DOCK4: variants seen among roughly 807,000 people sequenced by gnomAD.
DOCK4 encodes the protein dedicator of cytokinesis protein 4.
DOCK4 carries 97 observed loss-of-function variants against 268.1 expected under a neutral mutation model. That is an observed-to-expected ratio of 0.36 (90% CI 0.31 to 0.43). DOCK4 has a LOEUF of 0.43. Ranked by LOEUF, DOCK4 falls within the 20% of genes least tolerant of loss-of-function variation. The probability of loss-of-function intolerance (pLI) is 1.00; values close to 1 mark genes in which losing one functional copy is unlikely to be tolerated. For missense variants in DOCK4, 2,145 were observed against 2,455.7 expected (o/e 0.87, Z 2.67); for synonymous variants, 954 against 887.2 (o/e 1.08, Z -1.34).
intron 12 of DOCK4, among the ~76,000 whole-genome samples, chr7:111,920,799 AAG>A (rs1793054018): frequency 1.3e-5 from 2 of 152,132 alleles, no homozygotes; most frequent in Admixed American, 1.3e-4. Context: ...GAGAGACAGA[AAG>A]AGAGAGAATA....
At chr7:112,192,006 T>C (rs1280799274) in intron 1 of DOCK4, among the ~76,000 whole-genome samples, 1 of 148,380 alleles carries the variant, frequency 6.7e-6, no homozygotes, top group African/African-American at 2.4e-5. Context: ...ATATATTATA[T>C]AGTATATAAC....
At position 112,000,506 on chromosome 7, in the gene DOCK4, GT is replaced by G; in HGVS notation, c.149del (p.Asn50ThrfsTer15). ...DGWYRGFALKNPNIKGIFPSS... is the reference protein window; with the variant it reads ...DGWYRGFALKXPNIKGIFPSS... ...TAACAATTTTTACCTTGATATTTGG[GT>G]TTTTTAAGGCAAATCCTCTGTACCA... On this transcript the variant is annotated frameshift_variant, in exon 3 of 53. Coordinates refer to ENST00000428084, the MANE Select transcript of DOCK4 (RefSeq NM_001363540.2). LOFTEE classifies it high-confidence loss of function. The G allele has an allele frequency of 6.5e-7, 1 of 1,540,978 alleles. No individual in the cohort carries two copies. Among genetic ancestry groups the G allele is most frequent in the Non-Finnish European group, 8.8e-7 (1 of 1,133,246 alleles).
At chr7:111,890,873 A>G (rs1467584668) in intron 16 of DOCK4, among the ~76,000 whole-genome samples, 2 of 152,208 alleles carry the variant, frequency 1.3e-5, no homozygotes, top group Non-Finnish European at 2.9e-5. Context: ...GTTTTAACCA[A>G]TACTCTACTA....
chr7:112,112,479 T>C (rs1188539871), intron 1 of DOCK4, among the ~76,000 whole-genome samples: 1 of 151,784 alleles, frequency 6.6e-6, no homozygotes, highest in African/African-American at 2.4e-5. Context: ...CCATCTCTAC[T>C]AAAAATACAA....
At chr7:111,754,133 G>A (rs772787680) in intron 42 of DOCK4, among the ~76,000 whole-genome samples, 3 of 151,968 alleles carry the variant, frequency 2.0e-5, no homozygotes, top group Non-Finnish European at 2.9e-5. Context: ...GCCATTCAGC[G>A]GGAAGCATAA....
intron 1 of DOCK4, among the ~76,000 whole-genome samples, chr7:112,150,008 A>G (rs552185824): frequency 9.7e-4 from 148 of 152,316 alleles, no homozygotes; most frequent in Admixed American, 3.3e-3. Context: ...GTCTTATCGA[A>G]TCCTTCCAAA....
chr7:112,056,761 T>C (rs565425782), intron 1 of DOCK4, among the ~76,000 whole-genome samples: 22 of 152,262 alleles, frequency 1.4e-4, no homozygotes, highest in African/African-American at 4.8e-4. Context: ...AAACAAAAAC[T>C]AGTAAAATGG....
At chr7:111,738,612 C>T (rs548512670) in intron 49 of DOCK4, among the ~76,000 whole-genome samples, 2 of 152,352 alleles carry the variant, frequency 1.3e-5, no homozygotes, top group South Asian at 2.1e-4. Context: ...TTTAGCATCA[C>T]TGCCAAGCAA....
At chr7:111,753,951 T>C (rs564141568) in intron 42 of DOCK4, among the ~76,000 whole-genome samples, 2 of 152,352 alleles carry the variant, frequency 1.3e-5, no homozygotes, top group African/African-American at 4.8e-5. Context: ...CTTTTATCAT[T>C]ATCAGCATGC....
At chr7:111,846,968 G>C (rs1255820193) in intron 24 of DOCK4, 31 bp downstream of exon 24, 3 of 1,607,794 alleles carry the variant, frequency 1.9e-6, no homozygotes, top group Non-Finnish European at 2.6e-6. Flanking sequence ...CATTTGAAGG[G>C]AGCTATATAC....
intron 1 of DOCK4, among the ~76,000 whole-genome samples, chr7:112,149,330 A>C (rs1434026854): frequency 6.6e-6 from 1 of 152,130 alleles, no homozygotes. Flanking sequence ...GCTCTAAGGA[A>C]GAAAAAAATG....
chr7:111,873,429 C>T lies in DOCK4; in HGVS notation c.1745-865G>A, dbSNP rs1331441178. Among the ~76,000 whole-genome samples, 8 of 152,314 alleles carry T rather than the reference C, an allele frequency of 5.3e-5. No homozygotes were observed. The South Asian group carries it at 8.3e-4, about 16-fold the overall frequency. Reference sequence around the variant, plus strand: ...GTGAGAACTGAAGGCTCGCGTGTGCCGAGCACGCGCAGGGCAGCGGGACCT... The same window carrying T: ...GTGAGAACTGAAGGCTCGCGTGTGCTGAGCACGCGCAGGGCAGCGGGACCT... On this transcript the variant is annotated intron_variant, in intron 17 of 52. Coordinates refer to ENST00000428084, the MANE Select transcript of DOCK4 (RefSeq NM_001363540.2).
chr7:112,110,635 C>G (rs1811569622), intron 1 of DOCK4, among the ~76,000 whole-genome samples: 1 of 152,140 alleles, frequency 6.6e-6, no homozygotes, highest in African/African-American at 2.4e-5. Flanking sequence ...AATCTCTGAG[C>G]CAAAGAGGTG....
chr7:112,062,415 A>G (rs779916364), intron 1 of DOCK4, among the ~76,000 whole-genome samples: 1 of 152,174 alleles, frequency 6.6e-6, no homozygotes, highest in Non-Finnish European at 1.5e-5. Context: ...AAATAAAGCT[A>G]ATTTCTTAAA....
intron 1 of DOCK4, among the ~76,000 whole-genome samples, chr7:112,171,715 T>C (rs377596797): frequency 8.5e-5 from 13 of 152,348 alleles, no homozygotes; most frequent in Admixed American, 2.0e-4. Context: ...TCAGTAATTA[T>C]AGTTGGAAAG....
At chr7:111,765,094 CA>C in intron 39 of DOCK4, 23 bp downstream of exon 39, 1 of 1,228,118 alleles carries the variant, frequency 8.1e-7, no homozygotes, top group Non-Finnish European at 1.1e-6. Flanking sequence ...GCTGTGAAAG[CA>C]AATTAAATAG....
At chr7:112,199,688 C>A (rs1190109450) in intron 1 of DOCK4, among the ~76,000 whole-genome samples, 1 of 151,954 alleles carries the variant, frequency 6.6e-6, no homozygotes, top group Non-Finnish European at 1.5e-5. Context: ...TGATCAGCAA[C>A]ATAAAAAAAG....
At chr7:111,734,359 A>G (rs1186625180) in intron 51 of DOCK4, among the ~76,000 whole-genome samples, 1 of 151,864 alleles carries the variant, frequency 6.6e-6, no homozygotes, top group Non-Finnish European at 1.5e-5. Flanking sequence ...GCTAATTTTT[A>G]TATTTTTTGT....
At chr7:112,190,614 C>G (rs1400310014) in intron 1 of DOCK4, among the ~76,000 whole-genome samples, 1 of 150,988 alleles carries the variant, frequency 6.6e-6, no homozygotes, top group African/African-American at 2.4e-5. Context: ...AGACAGGGGC[C>G]GATTTAGGAG....
Sources: gnomAD v4.1 joint callset for allele counts (sites outside exome capture counted in the v4.1 genomes callset) on GRCh38, gnomAD v4.1.1 for gene constraint, MANE v1.5 for transcripts, NCBI Gene and HGNC (gene_info 2026-07-23, HGNC 2026-07-21) for gene names.